PPP2R5E: variants seen among roughly 807,000 people sequenced by gnomAD.
The protein encoded by PPP2R5E is serine/threonine-protein phosphatase 2A 56 kDa regulatory subunit epsilon isoform.
Under a neutral mutation model 65.3 loss-of-function variants are expected in PPP2R5E, and 4 were observed. The observed-to-expected ratio is 0.06, with a 90% CI of 0.03 to 0.14. The LOEUF is 0.14. PPP2R5E is among the 10% of genes least tolerant of loss of function. PPP2R5E has a pLI of 1.00. For missense variants in PPP2R5E, 274 were observed against 556.1 expected (o/e 0.49, Z 5.10); for synonymous variants, 183 against 187.4 (o/e 0.98, Z 0.19).
At chr14:63,528,849 T>C (rs1276582318) in intron 2 of PPP2R5E, among the ~76,000 whole-genome samples, 1 of 152,114 alleles carries the variant, frequency 6.6e-6, no homozygotes, top group African/African-American at 2.4e-5. Context: ...TGAATGCCAA[T>C]TACGTACAAG....
chr14:63,386,141 A>C (rs1884651969), intron 11 of PPP2R5E, among the ~76,000 whole-genome samples: 2 of 152,232 alleles, frequency 1.3e-5, no homozygotes, highest in Admixed American at 6.5e-5. Flanking sequence ...ACCGAAAGAC[A>C]CTGAGAAAAC....
intron 2 of PPP2R5E, among the ~76,000 whole-genome samples, chr14:63,497,940 C>A (rs1298247408): frequency 2.0e-5 from 3 of 152,146 alleles, no homozygotes; most frequent in African/African-American, 7.2e-5. Flanking sequence ...TTCAATATTT[C>A]TATTATAATA....
rs560360508 is a variant in PPP2R5E, at chr14:63,438,448, T to C, written c.354+15241A>G. ...TTCCCAGAAGCATTGCTTATACCTTTAAACCACATTTTCAGCTTCAAGGTT... is the reference window on the plus strand; with the variant it reads ...TTCCCAGAAGCATTGCTTATACCTTCAAACCACATTTTCAGCTTCAAGGTT... On this transcript the variant is annotated intron_variant, in intron 3 of 13. Transcript: ENST00000337537. 2.0e-5 allele frequency among the ~76,000 whole-genome samples: 3 copies of C among 152,330 alleles called. No homozygotes were observed. The South Asian group carries it at 6.2e-4, about 32-fold the overall frequency.
chr14:63,435,208 T>G (rs557625903), intron 3 of PPP2R5E, among the ~76,000 whole-genome samples: 2 of 152,130 alleles, frequency 1.3e-5, no homozygotes, highest in African/African-American at 4.8e-5. Flanking sequence ...TTGCCTAAGA[T>G]CTGTTCTTCA....
intron 2 of PPP2R5E, among the ~76,000 whole-genome samples, chr14:63,476,453 C>G (rs1023488926): frequency 6.6e-6 from 1 of 152,056 alleles, no homozygotes; most frequent in Non-Finnish European, 1.5e-5. Flanking sequence ...TATTCAAGTA[C>G]ATATCTTATA....
intron 2 of PPP2R5E, among the ~76,000 whole-genome samples, chr14:63,470,473 A>C (rs1190482827): frequency 6.6e-6 from 1 of 152,026 alleles, no homozygotes; most frequent in African/African-American, 2.4e-5. Flanking sequence ...AAAAAAAAAA[A>C]AAAACCGACT....
chr14:63,532,042 G>A (rs563399532), intron 2 of PPP2R5E, among the ~76,000 whole-genome samples: 5 of 152,046 alleles, frequency 3.3e-5, no homozygotes, highest in Admixed American at 6.6e-5. Flanking sequence ...ATCTTAACCC[G>A]TTTTAAGTCA....
rs994797513 is a variant in PPP2R5E at position 63,415,345 on chromosome 14, A to G, written c.457-113T>C. 5.3e-5 allele frequency: 33 copies of G among 624,750 alleles called. No individual in the cohort carries two copies. The African/African-American group carries it at 5.7e-4, about 11-fold the overall frequency. 38.7% of individuals were successfully genotyped at this position (624,750 alleles called of 1,614,324 possible). ...GACAGGGCTTAGAAAATTGATTTTA[A>G]TATCAATCAACAAACCAGGCCAGCC... On this transcript the variant is annotated intron_variant, in intron 4 of 13. Transcript: ENST00000337537.
chr14:63,440,429 A>T (rs1888164982), intron 3 of PPP2R5E, among the ~76,000 whole-genome samples: 1 of 152,058 alleles, frequency 6.6e-6, no homozygotes, highest in Admixed American at 6.6e-5. Context: ...AAAAAAAAAA[A>T]ATGAACATTT....
chr14:63,385,694 T>C (rs1391292709), intron 11 of PPP2R5E, among the ~76,000 whole-genome samples: 4 of 152,184 alleles, frequency 2.6e-5, no homozygotes, highest in Non-Finnish European at 4.4e-5. Flanking sequence ...GAGATACCAT[T>C]GTGCTCATTT....
chr14:63,429,467 C>T (rs1385638737), intron 3 of PPP2R5E, among the ~76,000 whole-genome samples: 1 of 152,150 alleles, frequency 6.6e-6, no homozygotes, highest in African/African-American at 2.4e-5. Flanking sequence ...ACTATTTCTC[C>T]AGCACTATTC....
At chr14:63,515,250 A>T (rs1183446052) in intron 2 of PPP2R5E, among the ~76,000 whole-genome samples, 2 of 152,264 alleles carry the variant, frequency 1.3e-5, no homozygotes, top group Non-Finnish European at 1.5e-5. Flanking sequence ...CAAACAGTAT[A>T]CACAACTGAA....
chr14:63,391,425 GTTTT>G, intron 10 of PPP2R5E, among the ~76,000 whole-genome samples: 1 of 151,994 alleles, frequency 6.6e-6, no homozygotes, highest in African/African-American at 2.4e-5. Context: ...GTTTTGTTTT[GTTTT>G]GTTTTGTTTT....
rs1415465033 is a variant in PPP2R5E at position 63,374,973 on chromosome 14, T to A, written c.*1036A>T. 1 of 152,488 alleles carries A rather than the reference T, an allele frequency of 6.6e-6. No homozygotes were observed. The highest frequency in any genetic ancestry group is 2.4e-5 in the African/African-American group (1 of 41,428). 9.4% of individuals were successfully genotyped at this position (152,488 alleles called of 1,614,324 possible). A position where few individuals can be genotyped will look rare whatever the true frequency, so the allele number is the denominator to read the frequency against. ...CAAAAAACACTGTAACATGTTTGTT[T>A]TTTCCCAGAGGCTACATCCTCTTTT... On this transcript the variant is annotated 3_prime_UTR_variant, in exon 14 of 14. Coordinates refer to ENST00000337537, the MANE Select transcript of PPP2R5E (RefSeq NM_006246.5).
intron 13 of PPP2R5E, among the ~76,000 whole-genome samples, chr14:63,376,866 A>G (rs1264253917): frequency 6.6e-6 from 1 of 152,212 alleles, no homozygotes; most frequent in Non-Finnish European, 1.5e-5. Flanking sequence ...GTTGCAGCGA[A>G]CCAATAAAAA....
At chr14:63,477,515 A>C (rs1890468299) in intron 2 of PPP2R5E, among the ~76,000 whole-genome samples, 2 of 151,998 alleles carry the variant, frequency 1.3e-5, no homozygotes, top group Admixed American at 1.3e-4. Context: ...AAAAGAGGGG[A>C]GGGGAGAAGA....
At chr14:63,379,638 ACCTCAACCAGG>A (rs1333382763) in intron 13 of PPP2R5E, among the ~76,000 whole-genome samples, 1 of 151,976 alleles carries the variant, frequency 6.6e-6, no homozygotes, top group African/African-American at 2.4e-5. Flanking sequence ...ATCATAATCA[ACCTCAACCAGG>A]AATAGATAAA....
At chr14:63,401,544 A>G (rs1460362351) in intron 5 of PPP2R5E, among the ~76,000 whole-genome samples, 1 of 152,244 alleles carries the variant, frequency 6.6e-6, no homozygotes, top group Non-Finnish European at 1.5e-5. Context: ...ATTTAGCCAA[A>G]TAACCTTTCT....
chr14:63,424,343 G>A (rs1322724673), intron 3 of PPP2R5E, among the ~76,000 whole-genome samples: 1 of 152,060 alleles, frequency 6.6e-6, no homozygotes, highest in Non-Finnish European at 1.5e-5. Flanking sequence ...ATATGAAGTT[G>A]GACCTCTGAG....
Sources: allele counts gnomAD v4.1 joint callset (sites outside exome capture counted in the v4.1 genomes callset), GRCh38; gene constraint gnomAD v4.1.1; transcripts MANE v1.5; gene names NCBI Gene and HGNC (gene_info 2026-07-23, HGNC 2026-07-21).